Variants in ZFPM2 observed in about 807,000 individuals in gnomAD.
ZFPM2 encodes zinc finger protein ZFPM2.
In ZFPM2, 20 loss-of-function variants were observed where a neutral mutation model predicts 98.6. The ratio of observed to expected loss-of-function variants is 0.20; its 90% CI spans 0.14 to 0.29. ZFPM2 has a LOEUF of 0.29. ZFPM2 is among the 10% of genes least tolerant of loss of function. The probability of loss-of-function intolerance (pLI) is 1.00; values close to 1 mark genes in which losing one functional copy is unlikely to be tolerated. For synonymous variants in ZFPM2, 518 were observed against 502.7 expected (o/e 1.03, Z -0.41); for missense variants, 1,310 against 1,388.6 (o/e 0.94, Z 0.90).
At chr8:105,764,123 C>G (rs551092321) in intron 5 of ZFPM2, among the ~76,000 whole-genome samples, 19 of 151,852 alleles carry the variant, frequency 1.3e-4, no homozygotes, top group African/African-American at 4.6e-4. Flanking sequence ...GTATCCAGGA[C>G]TCTCTTTGAT....
chr8:105,521,132 T>TAC lies in ZFPM2; in HGVS notation c.302-40211_302-40210dup, dbSNP rs10532108. ...ATTTGTGTATGTGTGTATATATATA[T>TAC]ACACACACACACACACACACAAACA... On this transcript the variant is annotated intron_variant, in intron 3 of 7. Transcript: ENST00000407775. Among the ~76,000 whole-genome samples the TAC allele has an allele frequency of 2.2e-3, 332 of 148,616 alleles. 2 individuals carry two copies. The highest frequency in any genetic ancestry group is 6.8e-3 in the Middle Eastern group (2 of 292).
intron 3 of ZFPM2, among the ~76,000 whole-genome samples, chr8:105,555,910 G>T (rs960786192): frequency 2.6e-5 from 4 of 152,102 alleles, no homozygotes; most frequent in African/African-American, 9.7e-5. Context: ...GAGATGAGGA[G>T]GAATGGAAGG....
chr8:105,709,230 A>G (rs1027275021), intron 5 of ZFPM2, among the ~76,000 whole-genome samples: 2 of 152,186 alleles, frequency 1.3e-5, no homozygotes, highest in African/African-American at 4.8e-5. Context: ...AAATCATTGA[A>G]TGCAACATTT....
chr8:105,353,415 A>C (rs1812685701), intron 1 of ZFPM2, among the ~76,000 whole-genome samples: 1 of 152,176 alleles, frequency 6.6e-6, no homozygotes, highest in Non-Finnish European at 1.5e-5. Flanking sequence ...CAACTGAAAT[A>C]AGAACACTAC....
At chr8:105,598,389 T>G (rs1238550745) in intron 4 of ZFPM2, among the ~76,000 whole-genome samples, 2 of 152,138 alleles carry the variant, frequency 1.3e-5, no homozygotes, top group African/African-American at 2.4e-5. Flanking sequence ...GATAAAGGGC[T>G]TTTTTCTCTA....
chr8:105,661,189 C>T (rs956974735), intron 5 of ZFPM2, among the ~76,000 whole-genome samples: 11 of 152,150 alleles, frequency 7.2e-5, no homozygotes, highest in African/African-American at 2.7e-4. Context: ...TTCGAAATCC[C>T]AATTACATGA....
chr8:105,682,921 A>C (rs1810642384), intron 5 of ZFPM2, among the ~76,000 whole-genome samples: 1 of 152,144 alleles, frequency 6.6e-6, no homozygotes, highest in African/African-American at 2.4e-5. Flanking sequence ...ATGTAACAAA[A>C]TACCACAGAC....
At chr8:105,715,396 A>G (rs1811500161) in intron 5 of ZFPM2, among the ~76,000 whole-genome samples, 1 of 142,418 alleles carries the variant, frequency 7.0e-6, no homozygotes. Context: ...ATAGAGTGAG[A>G]CCCCATCTCT....
intron 5 of ZFPM2, among the ~76,000 whole-genome samples, chr8:105,747,987 C>A (rs1812386534): frequency 6.6e-6 from 1 of 152,060 alleles, no homozygotes; most frequent in South Asian, 2.1e-4. Context: ...GGTATATAGG[C>A]ATTTGTATCT....
At chr8:105,633,646 C>T (rs552497143) in intron 4 of ZFPM2, among the ~76,000 whole-genome samples, 31 of 152,258 alleles carry the variant, frequency 2.0e-4, no homozygotes, top group Middle Eastern at 3.4e-3. Context: ...AATTTATTCA[C>T]GATTCCTCTT....
chr8:105,568,104 G>A (rs1815277822), intron 4 of ZFPM2, among the ~76,000 whole-genome samples: 1 of 151,884 alleles, frequency 6.6e-6, no homozygotes, highest in Admixed American at 6.6e-5. Context: ...AGTGCCTCAG[G>A]GAGCTTATCC....
intron 3 of ZFPM2, among the ~76,000 whole-genome samples, chr8:105,522,970 A>G (rs1586434333): frequency 1.3e-5 from 2 of 152,178 alleles, no homozygotes; most frequent in South Asian, 4.1e-4. Context: ...GCACTCAGTA[A>G]ATTTGATGAG....
intron 4 of ZFPM2, among the ~76,000 whole-genome samples, chr8:105,630,595 C>A (rs1397365838): frequency 6.6e-6 from 1 of 151,842 alleles, no homozygotes; most frequent in African/African-American, 2.4e-5. Flanking sequence ...CTACTTGTAC[C>A]CAGGCAAAAT....
intron 1 of ZFPM2, among the ~76,000 whole-genome samples, chr8:105,409,340 G>T (rs1315217973): frequency 6.6e-6 from 1 of 151,900 alleles, no homozygotes; most frequent in Non-Finnish European, 1.5e-5. Context: ...CATTATCCAG[G>T]ACTCTTGGCA....
At chr8:105,399,820 C>T (rs940378527) in intron 1 of ZFPM2, among the ~76,000 whole-genome samples, 1 of 152,086 alleles carries the variant, frequency 6.6e-6, no homozygotes, top group Non-Finnish European at 1.5e-5. Context: ...GGCTGGAGTG[C>T]AGTGGCGCGA....
At chr8:105,728,519 G>T (rs2131009644) in intron 5 of ZFPM2, among the ~76,000 whole-genome samples, 1 of 151,814 alleles carries the variant, frequency 6.6e-6, no homozygotes, top group East Asian at 2.0e-4. Flanking sequence ...CTTCCAATAA[G>T]AAATGACACA....
In ZFPM2 at chr8:105,671,107, G is replaced by A. The variant is rs550389161; in HGVS notation, c.532+36750G>A. Among the ~76,000 whole-genome samples the A allele has an allele frequency of 1.2e-4, 18 of 151,896 alleles. No homozygotes were observed. In the South Asian group the frequency reaches 3.1e-3, roughly 26 times the overall value. ...TATGTATTCATCTCTTTAAAACAGGGAACTAGAAATAAAAATAGTGGCTTA... is the reference window on the plus strand; with the variant it reads ...TATGTATTCATCTCTTTAAAACAGGAAACTAGAAATAAAAATAGTGGCTTA... On this transcript the variant is annotated intron_variant, in intron 5 of 7. Transcript: ENST00000407775.
At chr8:105,706,439 AAAAC>A (rs1811265100) in intron 5 of ZFPM2, among the ~76,000 whole-genome samples, 1 of 152,218 alleles carries the variant, frequency 6.6e-6, no homozygotes, top group Non-Finnish European at 1.5e-5. Context: ...GGATTACTCT[AAAAC>A]AATATAAACA....
At chr8:105,646,051 GAAAAAA>G (rs33913136) in intron 5 of ZFPM2, among the ~76,000 whole-genome samples, 1 of 133,202 alleles carries the variant, frequency 7.5e-6, no homozygotes, top group Non-Finnish European at 1.6e-5. Context: ...ACTCCATCTG[GAAAAAA>G]AAAAAAAAAA....
Sources: gnomAD v4.1 joint callset for allele counts (sites outside exome capture counted in the v4.1 genomes callset) on GRCh38, gnomAD v4.1.1 for gene constraint, MANE v1.5 for transcripts, NCBI Gene and HGNC (gene_info 2026-07-23, HGNC 2026-07-21) for gene names.